PUDP: variants seen among roughly 807,000 people sequenced by gnomAD.
The protein encoded by PUDP is pseudouridine-5'-phosphatase.
In PUDP, 8 loss-of-function variants were observed where a neutral mutation model predicts 9.4. That is an observed-to-expected ratio of 0.85 (90% CI 0.50 to 1.53). The LOEUF is 1.53. Among genes scored for constraint, PUDP ranks in the 40% most tolerant of loss-of-function variants. The pLI, the probability that PUDP is intolerant of heterozygous loss-of-function variation, is 0.00. For synonymous variants in PUDP, 99 were observed against 80.7 expected, an observed-to-expected ratio of 1.23 and a Z score of -1.22; for missense variants, 188 against 189.7, an observed-to-expected ratio of 0.99 and a Z score of 0.05.
chrX:7,065,035 G>A (rs975782354), intron 3 of PUDP, among the ~76,000 whole-genome samples: 5 of 111,516 alleles, frequency 4.5e-5, no homozygotes, highest in African/African-American at 1.6e-4. Context: ...TATCTTAAAA[G>A]ACTTAAAATA....
chrX:6,922,397 A>C lies in PUDP; in HGVS notation c.*247+54736T>G, dbSNP rs777250970. ...TATGCATCCACTATATACCCACAAA[A>C]ATTTTTTAAATTAAAAAATAAATAG... On this transcript the variant is annotated intron_variant and NMD_transcript_variant, in intron 3 of 3. Transcript: ENST00000655425. Among the ~76,000 whole-genome samples, 10 of 111,496 alleles carry C rather than the reference A, an allele frequency of 9.0e-5. No individual in the cohort carries two copies. The South Asian group carries it at 3.4e-3, about 38-fold the overall frequency.
rs753122395 is a variant in PUDP, at chrX:6,784,824, C to T, written c.*248-78358G>A. Among the ~76,000 whole-genome samples, 3 of 112,185 alleles carry T rather than the reference C, an allele frequency of 2.7e-5. No individual in the cohort carries two copies. The South Asian group carries it at 1.1e-3, about 42-fold the overall frequency. On this transcript the variant is annotated intron_variant and NMD_transcript_variant, in intron 3 of 3. Coordinates refer to the PUDP transcript ENST00000655425. ...CTGCAGAGTGAAAATGAATGTGCAA[C>T]CTGTGTAGACAAGCCTTTCATTTTC...
chrX:6,927,453 T>C (rs994554482), intron 3 of PUDP, among the ~76,000 whole-genome samples: 1 of 112,347 alleles, frequency 8.9e-6, no homozygotes, highest in Non-Finnish European at 1.9e-5. Context: ...GATACACTTA[T>C]AGCTGGGATC....
intron 1 of PUDP, among the ~76,000 whole-genome samples, chrX:7,031,773 A>C (rs770562836): frequency 8.9e-6 from 1 of 112,388 alleles, no homozygotes; most frequent in Non-Finnish European, 1.9e-5. Context: ...CCCTTACCCC[A>C]TACTCTGCAC....
At chrX:6,766,530 A>G (rs1925287468) in intron 3 of PUDP, among the ~76,000 whole-genome samples, 1 of 112,031 alleles carries the variant, frequency 8.9e-6, no homozygotes, top group Non-Finnish European at 1.9e-5. Context: ...TGTGATAGTT[A>G]TGAATATATT....
At chrX:7,147,926 G>A (rs1932908305) in intron 1 of PUDP, 127 bp downstream of exon 1, 1 of 492,650 alleles carries the variant, frequency 2.0e-6, no homozygotes, top group East Asian at 5.2e-5. Context: ...GAGCGCGCGG[G>A]AGCCCGAGCG....
chrX:6,788,182 G>A (rs910345794), intron 3 of PUDP, among the ~76,000 whole-genome samples: 5 of 111,881 alleles, frequency 4.5e-5, no homozygotes, highest in African/African-American at 1.6e-4. Flanking sequence ...CGACCAGTCT[G>A]TTTTTCACTT....
chrX:6,881,828 G>T (rs1269038428), intron 3 of PUDP, among the ~76,000 whole-genome samples: 6 of 110,847 alleles, frequency 5.4e-5, no homozygotes, highest in African/African-American at 2.0e-4. Flanking sequence ...CCTTGTCAGG[G>T]CATTTTCAAA....
chrX:7,091,516 A>T (rs1473939864), intron 2 of PUDP, among the ~76,000 whole-genome samples: 4 of 110,407 alleles, frequency 3.6e-5, no homozygotes, highest in African/African-American at 1.3e-4. Flanking sequence ...TTTTTTTTGT[A>T]TTTTTATACA....
At chrX:7,032,950 G>T (rs1182618957) in intron 1 of PUDP, among the ~76,000 whole-genome samples, 6 of 112,005 alleles carry the variant, frequency 5.4e-5, no homozygotes, top group South Asian at 7.6e-4. Context: ...GTCTATGAGG[G>T]TATTGTCAAA....
chrX:6,976,054 C>T lies in PUDP; in HGVS notation c.*247+1079G>A, dbSNP rs769910147. Among the ~76,000 whole-genome samples the T allele has an allele frequency of 2.7e-5, 3 of 112,085 alleles. No homozygotes were observed. The South Asian group carries it at 1.1e-3, about 42-fold the overall frequency. On this transcript the variant is annotated intron_variant and NMD_transcript_variant, in intron 3 of 3. Transcript: ENST00000655425. ...TAATGGTGGATGCCCCTCTCCCAAC[C>T]AAGTTTGAGTGTCCTAGGTTGACCT...
chrX:7,136,909 CTG>C (rs1207789511), intron 1 of PUDP, among the ~76,000 whole-genome samples: 2 of 111,757 alleles, frequency 1.8e-5, no homozygotes. Context: ...GATTTACAAA[CTG>C]TGCAGAACAT....
chrX:7,101,686 G>A (rs953124315), intron 2 of PUDP, among the ~76,000 whole-genome samples: 1 of 111,816 alleles, frequency 8.9e-6, no homozygotes, highest in Admixed American at 9.5e-5. Flanking sequence ...TAAGACACGT[G>A]CATGCCTCAT....
chrX:6,788,784 T>C (rs1374904039), intron 3 of PUDP, among the ~76,000 whole-genome samples: 1 of 112,276 alleles, frequency 8.9e-6, no homozygotes, highest in African/African-American at 3.2e-5. Context: ...ATAGGTATAT[T>C]TTTAAAAGTT....
intron 3 of PUDP, among the ~76,000 whole-genome samples, chrX:7,070,636 T>C (rs1930703231): frequency 9.0e-6 from 1 of 110,787 alleles, no homozygotes; most frequent in Admixed American, 9.6e-5. Context: ...TGGAGTGCAA[T>C]GGCACAATCT....
At chrX:7,043,959 T>G (rs1166976054), downstream of PUDP, among the ~76,000 whole-genome samples, 1 of 112,430 alleles carries the variant, frequency 8.9e-6, no homozygotes, top group Non-Finnish European at 1.9e-5. Flanking sequence ...TTTAGGAACC[T>G]GCACTGTGGC....
intron 3 of PUDP, among the ~76,000 whole-genome samples, chrX:6,835,719 T>G (rs1191986169): frequency 9.0e-6 from 1 of 110,851 alleles, no homozygotes; most frequent in Non-Finnish European, 1.9e-5. Context: ...CTACGTTGTT[T>G]TTTGGTTTTT....
At chrX:6,821,736 C>A (rs770883315) in intron 3 of PUDP, among the ~76,000 whole-genome samples, 3 of 112,262 alleles carry the variant, frequency 2.7e-5, no homozygotes, top group Non-Finnish European at 5.6e-5. Flanking sequence ...CACAGATAAG[C>A]AAGCTGCAAG....
chrX:6,758,860 C>T (rs758709271), intron 3 of PUDP, among the ~76,000 whole-genome samples: 2 of 111,644 alleles, frequency 1.8e-5, no homozygotes, highest in African/African-American at 6.5e-5. Context: ...AGAATCCAGC[C>T]GTGTGGCACA....
Sources: allele counts gnomAD v4.1 joint callset (sites outside exome capture counted in the v4.1 genomes callset), GRCh38; gene constraint gnomAD v4.1.1; transcripts MANE v1.5; gene names NCBI Gene and HGNC (gene_info 2026-07-23, HGNC 2026-07-21).